DCC: variants seen among roughly 807,000 people sequenced by gnomAD.
The protein encoded by DCC is DCC netrin 1 receptor, also known as netrin receptor DCC.
A neutral mutation model predicts 172.5 loss-of-function variants in DCC; 58 were observed. The observed-to-expected ratio is 0.34, with a 90% confidence interval of 0.27 to 0.42. DCC has a LOEUF of 0.42. DCC is among the 10% of genes least tolerant of loss of function. The pLI is 1.00. For missense variants in DCC, 1,740 were observed against 1,791.0 expected (o/e 0.97, Z 0.51); for synonymous variants, 709 against 644.5 (o/e 1.10, Z -1.52).
intron 15 of DCC, among the ~76,000 whole-genome samples, chr18:53,358,096 C>T (rs933031033): frequency 6.6e-6 from 1 of 151,898 alleles, no homozygotes; most frequent in Non-Finnish European, 1.5e-5. Flanking sequence ...AATAGTTTGT[C>T]CAATTACTAT....
intron 26 of DCC, 26 bp downstream of exon 26, chr18:53,486,984 T>G: frequency 6.2e-7 from 1 of 1,613,750 alleles, no homozygotes. Flanking sequence ...CTCTTTTTAA[T>G]AAGCACAAAT....
chr18:53,460,056 G>GAAAAA lies in DCC; in HGVS notation c.3619+613_3619+617dup, dbSNP rs55871112. On this transcript the variant is annotated intron_variant, in intron 24 of 28. Transcript: ENST00000442544. ...ACTATGTTGTTATACAAAGGGATCT[G>GAAAAA]AAAAAAAAAAAAAAAAAAAGCCTAC... 8.3e-4 allele frequency among the ~76,000 whole-genome samples: 63 copies of GAAAAA among 75,952 alleles called. 1 individual carries two copies. Among genetic ancestry groups the GAAAAA allele is most frequent in the African/African-American group, 3.0e-3 (61 of 20,638 alleles). 49.8% of individuals were successfully genotyped at this position (75,952 alleles called of 152,430 possible).
chr18:53,042,030 TC>T (rs1174940398), intron 5 of DCC, among the ~76,000 whole-genome samples: 1 of 152,052 alleles, frequency 6.6e-6, no homozygotes, highest in African/African-American at 2.4e-5. Context: ...GACCAGAACT[TC>T]CAATACTGTG....
At chr18:53,248,035 G>T (rs767159522) in intron 12 of DCC, among the ~76,000 whole-genome samples, 7 of 151,956 alleles carry the variant, frequency 4.6e-5, no homozygotes, top group Admixed American at 2.6e-4. Flanking sequence ...TGGTTTAGCA[G>T]AATGTCAGGA....
At chr18:52,365,521 T>TG in intron 1 of DCC, among the ~76,000 whole-genome samples, 1 of 143,636 alleles carries the variant, frequency 7.0e-6, no homozygotes, top group Non-Finnish European at 1.5e-5. Flanking sequence ...TGCCAATTGC[T>TG]TGGGTGGGGT....
At chr18:53,519,528 G>GTT (rs34417946) in intron 27 of DCC, among the ~76,000 whole-genome samples, 70 of 140,302 alleles carry the variant, frequency 5.0e-4, no homozygotes, top group African/African-American at 1.4e-3. Context: ...AAAATGAAGT[G>GTT]TTTTTTTTTT....
rs147276667 is a variant in DCC at position 52,375,828 on chromosome 18, C to T, written c.91+34950C>T. Among the ~76,000 whole-genome samples the T allele has an allele frequency of 7.2e-5, 11 of 152,298 alleles. No individual in the cohort carries two copies. In the East Asian group the frequency reaches 1.7e-3, roughly 24 times the overall value. Reference sequence around the variant, plus strand: ...TGTGGGTTAAGTGTTTCTGGGAATACTGGGAGTACCAGGTCAGATCCTGAC... The same window carrying T: ...TGTGGGTTAAGTGTTTCTGGGAATATTGGGAGTACCAGGTCAGATCCTGAC... On this transcript the variant is annotated intron_variant, in intron 1 of 28. Transcript: ENST00000442544.
chr18:52,598,152 A>G (rs1330655769), intron 1 of DCC, among the ~76,000 whole-genome samples: 1 of 152,182 alleles, frequency 6.6e-6, no homozygotes, highest in Non-Finnish European at 1.5e-5. Context: ...TAGACTATTT[A>G]TATCTGTAAA....
chr18:52,897,971 GA>G (rs1199545049), intron 2 of DCC, among the ~76,000 whole-genome samples: 1 of 152,224 alleles, frequency 6.6e-6, no homozygotes, highest in African/African-American at 2.4e-5. Context: ...GCTGCTTTTT[GA>G]AAAGGACTAA....
At chr18:53,297,305 C>A (rs1171479263) in intron 12 of DCC, among the ~76,000 whole-genome samples, 2 of 152,156 alleles carry the variant, frequency 1.3e-5, no homozygotes, top group Admixed American at 6.6e-5. Context: ...AATCAATTAA[C>A]TCTTTTCCAT....
intron 1 of DCC, among the ~76,000 whole-genome samples, chr18:52,366,156 C>A (rs1984841242): frequency 6.6e-6 from 1 of 152,156 alleles, no homozygotes; most frequent in African/African-American, 2.4e-5. Flanking sequence ...TCCTGACTTT[C>A]CTCCTATAAA....
chr18:53,120,361 G>GT (rs1491530885), intron 7 of DCC, among the ~76,000 whole-genome samples: 3 of 151,194 alleles, frequency 2.0e-5, no homozygotes, highest in Non-Finnish European at 4.4e-5. Context: ...TTTGGCATAG[G>GT]TTTTTTTCAT....
At chr18:52,507,541 A>G (rs1260826561) in intron 1 of DCC, among the ~76,000 whole-genome samples, 1 of 152,214 alleles carries the variant, frequency 6.6e-6, no homozygotes, top group Non-Finnish European at 1.5e-5. Context: ...TGAATTCAAC[A>G]ATTAACCTGT....
At chr18:52,596,584 C>T (rs1298024473) in intron 1 of DCC, among the ~76,000 whole-genome samples, 3 of 152,180 alleles carry the variant, frequency 2.0e-5, no homozygotes, top group African/African-American at 7.2e-5. Context: ...TTCTGATACA[C>T]ATCTGAAACC....
intron 1 of DCC, among the ~76,000 whole-genome samples, chr18:52,581,896 C>G (rs1200828333): frequency 6.6e-6 from 1 of 152,226 alleles, no homozygotes; most frequent in African/African-American, 2.4e-5. Context: ...AATCACCAGA[C>G]TTAGGGTGAT....
chr18:53,290,237 G>A (rs897707228), intron 12 of DCC, among the ~76,000 whole-genome samples: 2 of 152,158 alleles, frequency 1.3e-5, no homozygotes, highest in African/African-American at 2.4e-5. Context: ...ATATTTGTTA[G>A]GATGCCTGAA....
chr18:52,669,844 A>T (rs1336832046), intron 1 of DCC, among the ~76,000 whole-genome samples: 1 of 150,480 alleles, frequency 6.6e-6, no homozygotes, highest in African/African-American at 2.4e-5. Context: ...GAAGCGTTTG[A>T]AAAAACAAAA....
chr18:53,392,327 T>C (rs1200995500), intron 17 of DCC, among the ~76,000 whole-genome samples: 2 of 121,598 alleles, frequency 1.6e-5, no homozygotes, highest in Admixed American at 7.6e-5. Context: ...ATAGATAAGT[T>C]GAAGATATTT....
At chr18:53,025,889 T>G (rs2041948780) in intron 5 of DCC, among the ~76,000 whole-genome samples, 3 of 150,796 alleles carry the variant, frequency 2.0e-5, no homozygotes, top group Admixed American at 2.0e-4. Flanking sequence ...TGGAATAAAT[T>G]AAAATGTGGT....
Sources: gnomAD v4.1 joint callset for allele counts (sites outside exome capture counted in the v4.1 genomes callset) on GRCh38, gnomAD v4.1.1 for gene constraint, MANE v1.5 for transcripts, NCBI Gene and HGNC (gene_info 2026-07-23, HGNC 2026-07-21) for gene names.